Variants in QTMAN observed in about 807,000 individuals in gnomAD.
QTMAN encodes the protein tRNA-queuosine alpha-mannosyltransferase.
At chr2:144,104,795 G>T in the QTMAN span, among the ~76,000 whole-genome samples, 3 of 152,198 alleles carry the variant, frequency 2.0e-5, no homozygotes, top group Admixed American at 2.0e-4. Context: ...ATCTGAGAAC[G>T]GACAGACTGC....
the QTMAN span, chr2:144,177,256 A>G: frequency 1.5e-6 from 1 of 665,246 alleles, no homozygotes; most frequent in Non-Finnish European, 2.7e-6. Flanking sequence ...TCCCAATAAA[A>G]AAAAAAAAAA....
chr2:144,285,281 T>TA, the QTMAN span, among the ~76,000 whole-genome samples: 1 of 152,156 alleles, frequency 6.6e-6, no homozygotes, highest in African/African-American at 2.4e-5. Context: ...CTAAATATCC[T>TA]AAAAAAGTTT....
At chr2:144,306,831 T>G in the QTMAN span, among the ~76,000 whole-genome samples, 1 of 152,158 alleles carries the variant, frequency 6.6e-6, no homozygotes, top group African/African-American at 2.4e-5. Flanking sequence ...ATTCAAAATC[T>G]AATCAATTCA....
chr2:143,967,302 ATTC>A, the QTMAN span, among the ~76,000 whole-genome samples: 1 of 152,088 alleles, frequency 6.6e-6, no homozygotes, highest in Non-Finnish European at 1.5e-5. Context: ...GTTAAGAGTA[ATTC>A]TTCTGGCTAG....
the QTMAN span, among the ~76,000 whole-genome samples, chr2:144,058,881 G>T: frequency 6.6e-6 from 1 of 152,042 alleles, no homozygotes; most frequent in Non-Finnish European, 1.5e-5. Context: ...CCTTGTCCTT[G>T]TCCCTTTAGC....
At chr2:144,128,962 T>C in the QTMAN span, among the ~76,000 whole-genome samples, 1 of 151,770 alleles carries the variant, frequency 6.6e-6, no homozygotes, top group Non-Finnish European at 1.5e-5. Flanking sequence ...GTCTTTTGTT[T>C]CCAACAGAAT....
the QTMAN span, among the ~76,000 whole-genome samples, chr2:144,104,669 C>T: frequency 6.6e-6 from 1 of 152,234 alleles, no homozygotes; most frequent in Non-Finnish European, 1.5e-5. Flanking sequence ...TCTGTAGACT[C>T]CACCTCTGGG....
At chr2:144,076,855 A>G in the QTMAN span, among the ~76,000 whole-genome samples, 2 of 152,120 alleles carry the variant, frequency 1.3e-5, no homozygotes, top group Non-Finnish European at 2.9e-5. Flanking sequence ...ACAGTGGCTC[A>G]GGCCACTAAT....
chr2:144,275,144 G>T, the QTMAN span, among the ~76,000 whole-genome samples: 1 of 152,078 alleles, frequency 6.6e-6, no homozygotes, highest in Non-Finnish European at 1.5e-5. Context: ...CAGCACTTTG[G>T]GAGGCCGAGG....
the QTMAN span, chr2:144,211,359 G>C: frequency 6.6e-6 from 1 of 152,584 alleles, no homozygotes; most frequent in Admixed American, 6.5e-5. Context: ...CATTTTTTCT[G>C]CTGGCCAATG....
At chr2:144,007,109 T>C in the QTMAN span, 1 of 890,340 alleles carries the variant, frequency 1.1e-6, no homozygotes, top group Non-Finnish European at 1.7e-6. Flanking sequence ...AACAAATTAT[T>C]ATGTCAATCA....
At chr2:144,313,842 C>T in the QTMAN span, among the ~76,000 whole-genome samples, 1 of 150,498 alleles carries the variant, frequency 6.6e-6, no homozygotes, top group Non-Finnish European at 1.5e-5. Flanking sequence ...ATGAAGAATA[C>T]TCCTACAGGC....
At chr2:144,198,281 C>T in the QTMAN span, among the ~76,000 whole-genome samples, 1 of 151,806 alleles carries the variant, frequency 6.6e-6, no homozygotes, top group Non-Finnish European at 1.5e-5. Context: ...GTACTCAATT[C>T]ACGTGGTTTG....
At chr2:144,291,040 T>G in the QTMAN span, among the ~76,000 whole-genome samples, 1 of 152,332 alleles carries the variant, frequency 6.6e-6, no homozygotes, top group Non-Finnish European at 1.5e-5. Context: ...TCTCTCATCT[T>G]CTAGTAGCCT....
At chr2:144,202,612 G>A in the QTMAN span, among the ~76,000 whole-genome samples, 5 of 152,162 alleles carry the variant, frequency 3.3e-5, no homozygotes, top group African/African-American at 1.2e-4. Flanking sequence ...GCATCCATTT[G>A]GGGATGAGTT....
At chr2:144,091,112 A>G in the QTMAN span, among the ~76,000 whole-genome samples, 3 of 152,116 alleles carry the variant, frequency 2.0e-5, no homozygotes, top group African/African-American at 7.2e-5. Context: ...GCCTGAGAAA[A>G]TATAGTTTTG....
chr2:144,104,491 C>A, the QTMAN span, among the ~76,000 whole-genome samples: 1 of 152,132 alleles, frequency 6.6e-6, no homozygotes, highest in Non-Finnish European at 1.5e-5. Context: ...GTCCCACGCT[C>A]ACGGAGCCTT....
chr2:144,285,191 C>T, the QTMAN span, among the ~76,000 whole-genome samples: 92 of 152,196 alleles, frequency 6.0e-4, no homozygotes, highest in Non-Finnish European at 1.1e-3. Context: ...ACATATTCTT[C>T]CAGAATTCCT....
chr2:144,194,592 C>T, the QTMAN span, among the ~76,000 whole-genome samples: 14 of 151,898 alleles, frequency 9.2e-5, no homozygotes, highest in African/African-American at 2.9e-4. Context: ...ATACATCAGT[C>T]GGTAAGACAA....
Sources: allele counts gnomAD v4.1 joint callset (sites outside exome capture counted in the v4.1 genomes callset), GRCh38; gene constraint gnomAD v4.1.1; transcripts MANE v1.5; gene names NCBI Gene and HGNC (gene_info 2026-07-23, HGNC 2026-07-21).